ILDR2: variants seen among roughly 807,000 people sequenced by gnomAD.
ILDR2 encodes the protein immunoglobulin like domain containing receptor 2.
In ILDR2, 25 loss-of-function variants were observed where a neutral mutation model predicts 66.8. That is an observed-to-expected ratio of 0.37 (90% CI 0.27 to 0.52). The LOEUF (loss-of-function observed/expected upper bound fraction) is 0.52, where lower values mean the gene tolerates loss of function less well. ILDR2 is among the 20% of genes least tolerant of loss of function. The probability of loss-of-function intolerance (pLI) is 0.88; values close to 1 mark genes in which losing one functional copy is unlikely to be tolerated. For missense variants in ILDR2, 827 were observed against 876.8 expected, an observed-to-expected ratio of 0.94 and a Z score of 0.72; for synonymous variants, 367 against 357.2, an observed-to-expected ratio of 1.03 and a Z score of -0.31.
chr1:166,956,625 G>A, intron 3 of ILDR2, 108 bp downstream of exon 3: 1 of 1,197,764 alleles, frequency 8.3e-7, no homozygotes. Flanking sequence ...AGATAAGACT[G>A]TGTATGCAAC....
chr1:166,899,412 GA>G (rs1374794121), intron 2 of ILDR2, among the ~76,000 whole-genome samples: 5 of 151,058 alleles, frequency 3.3e-5, no homozygotes, highest in Non-Finnish European at 7.4e-5. Flanking sequence ...AAAAAGAAAA[GA>G]AAAGAAAAAG....
chr1:166,964,252 T>C (rs1271317024), intron 1 of ILDR2, among the ~76,000 whole-genome samples: 2 of 152,164 alleles, frequency 1.3e-5, no homozygotes, highest in African/African-American at 4.8e-5. Flanking sequence ...ACCACCAGAC[T>C]ATTCTTTTAA....
intron 6 of ILDR2, among the ~76,000 whole-genome samples, chr1:166,930,356 T>C (rs1228792807): frequency 1.3e-5 from 2 of 152,218 alleles, no homozygotes; most frequent in African/African-American, 2.4e-5. Context: ...CCAGATACTT[T>C]CAGCCTTGAC....
intron 8 of ILDR2, 29 bp downstream of exon 8, chr1:166,922,564 C>A (rs779131464): frequency 6.3e-7 from 1 of 1,596,208 alleles, no homozygotes; most frequent in East Asian, 2.2e-5. Context: ...CCCCTCACAC[C>A]GACCAGACCT....
chr1:166,921,189 A>T lies in ILDR2; in HGVS notation c.1402T>A (p.Phe468Ile). 1.3e-6 allele frequency: 2 copies of T among 1,572,222 alleles called. No homozygotes were observed. Among genetic ancestry groups the T allele is most frequent in the South Asian group, 2.3e-5 (2 of 87,400 alleles). ...ERSESRAHSG[F>I]YQDDSLEEYY... ...TCCTCCAAGGAGTCGTCCTGGTAGA[A>T]GCCGCTGTGCGCCCGCGACTCCGAG... Residue 468 changes from phenylalanine to isoleucine, a missense_variant, in exon 9 of 10, where the codon TTC becomes ATC. By Grantham distance (21) the Phe-to-Ile change is conservative. Around this residue, in one of 2 missense-constraint regions of ILDR2, gnomAD observed 390 missense variants for 353.6 expected, o/e 1.10. Coordinates refer to ENST00000271417, the MANE Select transcript of ILDR2 (RefSeq NM_199351.3). This position sits in a 1 kb window ranked among gnomAD's most constrained non-coding sequence, Gnocchi z 5.3.
Position 166,974,318 on chromosome 1 carries a change from G to A in ILDR2, c.46+905C>T, listed in dbSNP as rs374927336. On this transcript the variant is annotated intron_variant, in intron 1 of 9. Transcript: ENST00000271417. ...CCATCCTACTCCCTTCAGCAGGGCT[G>A]CTTTGTGAATCTCTCAGGGCTGGCC... Among the ~76,000 whole-genome samples the A allele has an allele frequency of 2.0e-4, 30 of 152,294 alleles. No homozygotes were observed. The South Asian group carries it at 6.2e-3, about 32-fold the overall frequency.
intron 8 of ILDR2, 148 bp downstream of exon 8, chr1:166,922,441 GTTCA>G (rs1311612779): frequency 4.4e-6 from 3 of 688,264 alleles, no homozygotes; most frequent in African/African-American, 3.5e-5. Flanking sequence ...AATGTGAGAT[GTTCA>G]ATATCCTGTA....
At chr1:166,919,883 G>A (rs912842542) in intron 9 of ILDR2, among the ~76,000 whole-genome samples, 1 of 152,156 alleles carries the variant, frequency 6.6e-6, no homozygotes, top group Non-Finnish European at 1.5e-5. Flanking sequence ...GGAATGGTGG[G>A]GAGGCAGGGT....
chr1:166,929,092 G>A (rs1001380413), intron 6 of ILDR2, among the ~76,000 whole-genome samples: 2 of 152,108 alleles, frequency 1.3e-5, no homozygotes, highest in Non-Finnish European at 2.9e-5. Flanking sequence ...TGGGGAACTG[G>A]GCATTGTGTA....
intron 2 of ILDR2, among the ~76,000 whole-genome samples, chr1:166,899,633 G>C (rs1453791404): frequency 2.0e-5 from 3 of 152,170 alleles, no homozygotes; most frequent in African/African-American, 7.2e-5. Context: ...GAAAAAGCTG[G>C]ATTTCAGAAA....
At position 166,918,522 on chromosome 1, in the gene ILDR2, G is replaced by C. The variant is rs1659727072; in HGVS notation, c.*833C>G. 6.6e-6 allele frequency: 1 copy of C among 152,196 alleles called. No homozygotes were observed. Among genetic ancestry groups the C allele is most frequent in the Non-Finnish European group, 1.5e-5 (1 of 68,068 alleles). 9.4% of individuals were successfully genotyped at this position (152,196 alleles called of 1,614,324 possible). A position where few individuals can be genotyped will look rare whatever the true frequency, so the allele number is the denominator to read the frequency against. On this transcript the variant is annotated 3_prime_UTR_variant, in exon 10 of 10. Transcript: ENST00000271417. ...AAGGCATTCAATGACAATCTAATCAGAGTGCAGAGGGAGGCAGGGCTGTGT... is the reference window on the plus strand; with the variant it reads ...AAGGCATTCAATGACAATCTAATCACAGTGCAGAGGGAGGCAGGGCTGTGT...
intron 3 of ILDR2, among the ~76,000 whole-genome samples, chr1:166,953,952 G>A (rs1289470919): frequency 6.6e-6 from 1 of 152,132 alleles, no homozygotes; most frequent in Non-Finnish European, 1.5e-5. Flanking sequence ...CTTTTACAGT[G>A]AGATAGACTC....
intron 7 of ILDR2, among the ~76,000 whole-genome samples, chr1:166,926,275 C>G (rs36010003): frequency 0.015 from 2,264 of 152,214 alleles, 23 homozygotes; most frequent in Non-Finnish European, 0.024. Flanking sequence ...CATGTGGGAC[C>G]TGCCCTATGT....
chr1:166,906,039 T>G (rs1241116899), downstream of ILDR2, among the ~76,000 whole-genome samples: 1 of 152,222 alleles, frequency 6.6e-6, no homozygotes, highest in African/African-American at 2.4e-5. Flanking sequence ...TGAGATCATT[T>G]GTACTGGCTG....
At chr1:166,898,034 C>G (rs74362876) in intron 2 of ILDR2, among the ~76,000 whole-genome samples, 1 of 152,160 alleles carries the variant, frequency 6.6e-6, no homozygotes, top group African/African-American at 2.4e-5. Context: ...TGAACTCATT[C>G]TGGGTAGCTA....
At chr1:166,967,820 C>T (rs751996462) in intron 1 of ILDR2, among the ~76,000 whole-genome samples, 1 of 152,140 alleles carries the variant, frequency 6.6e-6, no homozygotes, top group South Asian at 2.1e-4. Flanking sequence ...ATGGCATCTC[C>T]AGCAGTCCCC....
At chr1:166,967,333 T>C (rs1237903924) in intron 1 of ILDR2, among the ~76,000 whole-genome samples, 1 of 152,140 alleles carries the variant, frequency 6.6e-6, no homozygotes, top group Non-Finnish European at 1.5e-5. Flanking sequence ...CTCTTTTGTG[T>C]GGGTTACAAT....
Position 166,939,514 on chromosome 1 carries a change from C to G in ILDR2, c.556G>C (p.Glu186Gln). The G allele has an allele frequency of 6.2e-7, 1 of 1,612,908 alleles. No individual in the cohort carries two copies. Among genetic ancestry groups the G allele is most frequent in the African/African-American group, 1.3e-5 (1 of 75,030 alleles). The stretch of plus-strand genomic sequence containing the variant: ...AATAAAGAGTTAAATGACCGAATAC[C>G]TGGCATAATCTCCACAGCAAAACTG... ...LPSFAVEIMP[E>Q]WVFVGLVLLG... The change falls in exon 4 of 10, where the codon GAG becomes CAG. Residue 186 changes from glutamate to glutamine, a missense_variant and splice_region_variant. Physicochemically the swap from Glu to Gln is conservative, Grantham distance 29 (BLOSUM62 2). Coordinates refer to ENST00000271417, the MANE Select transcript of ILDR2 (RefSeq NM_199351.3).
chr1:166,940,713 A>AGGACT (rs1661262670), intron 3 of ILDR2, among the ~76,000 whole-genome samples: 3 of 152,232 alleles, frequency 2.0e-5, no homozygotes, highest in African/African-American at 7.2e-5. Context: ...TATCACTAAA[A>AGGACT]TATTGTCATT....
Sources: gnomAD v4.1 joint callset for allele counts (sites outside exome capture counted in the v4.1 genomes callset) on GRCh38, gnomAD v4.1.1 for gene constraint, gnomAD v4.1.1 regional missense constraint, Gnocchi (gnomAD v3.1) non-coding constraint, MANE v1.5 for transcripts, NCBI Gene and HGNC (gene_info 2026-07-23, HGNC 2026-07-21) for gene names.